CHL1: variants seen among roughly 807,000 people sequenced by gnomAD.
CHL1 encodes the protein neural cell adhesion molecule L1-like protein.
A neutral mutation model predicts 141.9 loss-of-function variants in CHL1; 96 were observed. The ratio of observed to expected loss-of-function variants is 0.68; its 90% CI spans 0.57 to 0.80. The LOEUF is 0.80. Among genes scored for constraint, CHL1 ranks in the 30% least tolerant of loss-of-function variants. CHL1 has a pLI of 0.00. For missense variants in CHL1, 1,820 were observed against 1,457.2 expected (o/e 1.25, Z -4.05); for synonymous variants, 613 against 502.2 (o/e 1.22, Z -2.95).
At chr3:197,108 T>TG (rs540760856) in intron 1 of CHL1, 45 bp downstream of exon 1, 4,096 of 148,684 alleles carry the variant, frequency 0.028, 160 homozygotes, top group African/African-American at 0.094. Context: ...GTGCCGGCGC[T>TG]GGGGGGGTCT....
chr3:326,005 C>G lies in CHL1; in HGVS notation c.138C>G (p.Ala46=), dbSNP rs890487025. ...TAAAACAGTCAAAAGTCCAAGTTGC[C>G]TTTCCCTTCGATGAGTATTTTCAAA... The part of the protein sequence containing the change: ...TIIKQSKVQV[A]FPFDEYFQIE... Residue 46 remains alanine, a synonymous_variant, in exon 4 of 28, where the codon GCC becomes GCG. Transcript: ENST00000256509. The G allele has an allele frequency of 3.7e-6, 6 of 1,611,758 alleles. No homozygotes were observed. The highest frequency in any genetic ancestry group is 3.3e-5 in the South Asian group (3 of 90,940).
At chr3:383,692 T>C in intron 18 of CHL1, 124 bp from the exon 19 acceptor site, 2 of 578,886 alleles carry the variant, frequency 3.5e-6, no homozygotes, top group South Asian at 4.6e-5. Context: ...CTGGACCAGA[T>C]ATAAATTAAT....
At chr3:270,322 G>T in intron 2 of CHL1, among the ~76,000 whole-genome samples, 1 of 152,174 alleles carries the variant, frequency 6.6e-6, no homozygotes, top group Admixed American at 6.5e-5. Context: ...GTTACAGCTG[G>T]ATTAGAGAAC....
intron 27 of CHL1, among the ~76,000 whole-genome samples, 191 bp from the exon 28 acceptor site, chr3:405,304 G>A (rs73814772): frequency 0.04 from 6,041 of 152,244 alleles, 142 homozygotes; most frequent in African/African-American, 0.065. Context: ...TGACTTTGTA[G>A]ACATGTGTTT....
intron 3 of CHL1, 43 bp downstream of exon 3, chr3:319,910 T>A (rs376042609): frequency 8.6e-7 from 1 of 1,166,472 alleles, no homozygotes. Flanking sequence ...AATTTCATAT[T>A]TGCATTTTGA....
chr3:379,155 A>T (rs1706716924), intron 16 of CHL1, among the ~76,000 whole-genome samples: 1 of 152,170 alleles, frequency 6.6e-6, no homozygotes. Context: ...GTGGTGGTAC[A>T]GACCAAGGGA....
At chr3:392,800 C>T (rs1014823071) in intron 23 of CHL1, among the ~76,000 whole-genome samples, 1 of 152,210 alleles carries the variant, frequency 6.6e-6, no homozygotes, top group African/African-American at 2.4e-5. Context: ...TGTTTAAATA[C>T]ATACAGGCAT....
intron 2 of CHL1, among the ~76,000 whole-genome samples, chr3:278,495 G>GGTAATCCATACTCT: frequency 6.6e-6 from 1 of 152,300 alleles, no homozygotes; most frequent in African/African-American, 2.4e-5. Flanking sequence ...GCAAGCGTTC[G>GGTAATCCATACTCT]TTAGTACCTC....
Position 360,373 on chromosome 3 carries a change from G to A in CHL1, c.1255G>A (p.Ala419Thr). 1 of 1,613,816 alleles carries A rather than the reference G, an allele frequency of 6.2e-7. No individual in the cohort carries two copies. Among genetic ancestry groups the A allele is most frequent in the East Asian group, 2.2e-5 (1 of 44,858 alleles). ...PNHTAVYQCE[A>T]SNVHGTILAN... is the part of the protein sequence containing the mutation. ...TCATACTGCTGTGTACCAGTGTGAA[G>A]CCTCAAATGTCCATGGAACTATCCT... Residue 419 changes from alanine to threonine, a missense_variant, in exon 12 of 28, where the codon GCC becomes ACC. By Grantham distance (58) the Ala-to-Thr change is moderately conservative. Coordinates refer to ENST00000256509, the MANE Select transcript of CHL1 (RefSeq NM_006614.4).
intron 1 of CHL1, among the ~76,000 whole-genome samples, chr3:209,685 A>C (rs1303800880): frequency 6.6e-6 from 1 of 152,198 alleles, no homozygotes; most frequent in Non-Finnish European, 1.5e-5. Context: ...GTTTACATTA[A>C]GTACATCTCC....
chr3:347,907 TGAAGGAA>T (rs1429538177), intron 9 of CHL1, among the ~76,000 whole-genome samples: 1 of 152,188 alleles, frequency 6.6e-6, no homozygotes, highest in African/African-American at 2.4e-5. Flanking sequence ...GTTTGAGGCT[TGAAGGAA>T]GAAGGAAAAG....
chr3:211,060 G>C (rs1295631185), intron 1 of CHL1, among the ~76,000 whole-genome samples: 1 of 152,174 alleles, frequency 6.6e-6, no homozygotes, highest in Non-Finnish European at 1.5e-5. Flanking sequence ...GAAGTGACTT[G>C]GGTTTAAGAG....
chr3:336,357 G>A (rs1701861211), intron 5 of CHL1, among the ~76,000 whole-genome samples: 1 of 152,154 alleles, frequency 6.6e-6, no homozygotes, highest in Admixed American at 6.5e-5. Flanking sequence ...TAAGATGCCA[G>A]TGTTTTTTGG....
intron 1 of CHL1, among the ~76,000 whole-genome samples, chr3:225,891 C>T (rs576257854): frequency 6.6e-6 from 1 of 150,844 alleles, no homozygotes; most frequent in Non-Finnish European, 1.5e-5. Flanking sequence ...CACCTGTAGT[C>T]CCAGCTACTC....
chr3:209,820 G>T (rs1307261069), intron 1 of CHL1, among the ~76,000 whole-genome samples: 2 of 152,146 alleles, frequency 1.3e-5, no homozygotes, highest in African/African-American at 4.8e-5. Context: ...TACAAGCAAT[G>T]CACTAATAAT....
intron 1 of CHL1, among the ~76,000 whole-genome samples, chr3:212,504 A>G (rs1414886837): frequency 2.6e-5 from 4 of 152,062 alleles, no homozygotes; most frequent in Non-Finnish European, 4.4e-5. Flanking sequence ...CCTTTCCTTC[A>G]CTGGATTTCT....
In CHL1 at chr3:398,366, A is replaced by G; in HGVS notation, c.3234A>G (p.Val1078=). The G allele has an allele frequency of 6.2e-7, 1 of 1,601,426 alleles. No individual in the cohort carries two copies. Among genetic ancestry groups the G allele is most frequent in the Non-Finnish European group, 8.6e-7 (1 of 1,168,792 alleles). Residue 1078 remains valine (V), a synonymous_variant, in exon 25 of 28, where the codon GTA becomes GTG. Transcript: ENST00000256509. ...ATAATGATAGCATTTTTCAAGATGTAATTGAGACAAGAGGGAGAGGTGAGA... is the reference window on the plus strand; with the variant it reads ...ATAATGATAGCATTTTTCAAGATGTGATTGAGACAAGAGGGAGAGGTGAGA... The part of the protein sequence containing the change: ...WGDNDSIFQD[V]IETRGREYAG...
intron 1 of CHL1, among the ~76,000 whole-genome samples, chr3:220,515 G>GT (rs904694431): frequency 4.6e-5 from 7 of 151,702 alleles, no homozygotes; most frequent in Middle Eastern, 3.4e-3. Flanking sequence ...CTGATGAGTT[G>GT]TTTTTTTTTT....
intron 1 of CHL1, among the ~76,000 whole-genome samples, chr3:242,423 C>G (rs9871112): frequency 6.0e-5 from 8 of 133,062 alleles, no homozygotes; most frequent in Admixed American, 2.3e-4. Flanking sequence ...GGTGAAACCC[C>G]GTCTCTACTA....
Sources: gnomAD v4.1 joint callset for allele counts (sites outside exome capture counted in the v4.1 genomes callset) on GRCh38, gnomAD v4.1.1 for gene constraint, MANE v1.5 for transcripts, NCBI Gene and HGNC (gene_info 2026-07-23, HGNC 2026-07-21) for gene names.